The following C21orf58 variants were observed in gnomAD, a reference collection of about 807,000 sequenced individuals.
C21orf58 encodes chromosome 21 open reading frame 58.
Under a neutral mutation model 35.8 loss-of-function variants are expected in C21orf58, and 34 were observed. The ratio of observed to expected loss-of-function variants is 0.95; its 90% CI spans 0.72 to 1.26. The LOEUF (loss-of-function observed/expected upper bound fraction) is 1.26. Among genes scored for constraint, C21orf58 ranks in the 50% most tolerant of loss-of-function variants. The pLI is 0.00. For missense variants in C21orf58, 440 were observed against 414.3 expected, an observed-to-expected ratio of 1.06 and a Z score of -0.54; for synonymous variants, 191 against 175.8, an observed-to-expected ratio of 1.09 and a Z score of -0.68.
rs1307423599 is a variant in C21orf58 at position 46,323,083 on chromosome 21, CCT to C, written c.-347_-346del. On this transcript the variant is annotated 5_prime_UTR_variant, in exon 1 of 8. The change creates a premature stop within an existing upstream ORF in the 5' untranslated region. Coordinates refer to ENST00000291691, the MANE Select transcript of C21orf58 (RefSeq NM_058180.5). ...GGACGGCCTGCGCGAGGTCACCGGC[CCT>C]GTCTTGGTTTTTTGCCACTTCGCTC... 1 of 168,736 alleles carries C rather than the reference CCT, an allele frequency of 5.9e-6. No individual in the cohort carries two copies. Among genetic ancestry groups the C allele is most frequent in the African/African-American group, 2.4e-5 (1 of 42,168 alleles). The allele number at this position is 168,736 out of a possible 1,614,324, so 10.5% of individuals were successfully genotyped here.
At chr21:46,317,427 T>C (rs2083014954) in intron 2 of C21orf58, 159 bp from the exon 3 acceptor site, 1 of 1,285,720 alleles carries the variant, frequency 7.8e-7, no homozygotes, top group South Asian at 1.4e-5. Context: ...CCTCCGAGGA[T>C]CTCCCTGAGC....
intron 1 of C21orf58, among the ~76,000 whole-genome samples, chr21:46,320,417 A>G (rs1472243760): frequency 6.6e-6 from 1 of 150,602 alleles, no homozygotes; most frequent in Non-Finnish European, 1.5e-5. Context: ...TGCCTTTTAA[A>G]TTATAAGATA....
In C21orf58 at chr21:46,302,031, C is replaced by CA; in HGVS notation, c.936_937insT (p.Ala313CysfsTer137). ...GGGCCAGGCGTCCACAGGCTGGGGG[C>CA]GGGCTGGAGGACAGTGGCAGCCCCA... On this transcript the variant is annotated frameshift_variant, in exon 8 of 8. Coordinates refer to ENST00000291691, the MANE Select transcript of C21orf58 (RefSeq NM_058180.5). LOFTEE classifies it low-confidence loss of function (END_TRUNC). 1 of 1,535,308 alleles carries CA rather than the reference C, an allele frequency of 6.5e-7. No homozygotes were observed. The highest frequency in any genetic ancestry group is 2.5e-5 in the East Asian group (1 of 40,156).
At position 46,307,185 on chromosome 21, in the gene C21orf58, T is replaced by C. The variant is rs142632866; in HGVS notation, c.721+4271A>G. On this transcript the variant is annotated intron_variant, in intron 6 of 7. Coordinates refer to ENST00000291691, the MANE Select transcript of C21orf58 (RefSeq NM_058180.5). Reference sequence around the variant, plus strand: ...TGCTGGGATTACAGGTGTGAGCCGCTGCGCCCAGCCAAGATTGCATCTTGC... The same window carrying C: ...TGCTGGGATTACAGGTGTGAGCCGCCGCGCCCAGCCAAGATTGCATCTTGC... Among the ~76,000 whole-genome samples, 1,512 of 152,008 alleles carry C rather than the reference T, an allele frequency of 9.9e-3. 23 individuals carry two copies. The highest frequency in any genetic ancestry group is 0.035 in the African/African-American group (1,439 of 41,504).
chr21:46,315,005 A>G, intron 4 of C21orf58, 125 bp from the exon 5 acceptor site: 1 of 1,549,518 alleles, frequency 6.5e-7, no homozygotes, highest in Admixed American at 2.0e-5. Context: ...CAGGATGGCC[A>G]TGACTGGAAG....
At chr21:46,315,296 T>C in intron 4 of C21orf58, 178 bp downstream of exon 4, 1 of 601,538 alleles carries the variant, frequency 1.7e-6, no homozygotes. Flanking sequence ...ACATTTCCAG[T>C]CCTGATGGAA....
At chr21:46,303,735 ATATATATATATTTTTTTTTTTT>A (rs2082263588) in intron 6 of C21orf58, among the ~76,000 whole-genome samples, 4 of 28,128 alleles carry the variant, frequency 1.4e-4, no homozygotes, top group East Asian at 5.5e-4. Flanking sequence ...ATATATATAT[ATATATATATATTTTTTTTTTTT>A]TTTTTTTTTT....
At position 46,323,304 on chromosome 21, in the gene C21orf58, G is replaced by A. The variant is rs947034421; in HGVS notation, c.-566C>T. On this transcript the variant is annotated 5_prime_UTR_variant, in exon 1 of 8. Transcript: ENST00000291691. Reference sequence around the variant, plus strand: ...TTATGTTCCGCTGAGCTCAAGCTGAGGGACGACGACCTCATGCGACGTCAG... The same window carrying A: ...TTATGTTCCGCTGAGCTCAAGCTGAAGGACGACGACCTCATGCGACGTCAG... The A allele has an allele frequency of 6.6e-6, 1 of 152,326 alleles. No individual in the cohort carries two copies. The highest frequency in any genetic ancestry group is 1.5e-5 in the Non-Finnish European group (1 of 68,096). 9.4% of individuals were successfully genotyped at this position (152,326 alleles called of 1,614,324 possible). A position where few individuals can be genotyped will look rare whatever the true frequency, so the allele number is the denominator to read the frequency against.
chr21:46,300,935 A>G (rs73146709), downstream of C21orf58: 60,650 of 807,988 alleles, frequency 0.075, 2,677 homozygotes, highest in Non-Finnish European at 0.089. Flanking sequence ...GCCTGTCCAC[A>G]TGGTAAGAAA....
intron 1 of C21orf58, 154 bp downstream of exon 1, chr21:46,322,485 G>T (rs573355157): frequency 2.0e-6 from 2 of 985,398 alleles, no homozygotes; most frequent in Middle Eastern, 5.2e-4. Context: ...CTGGGTCTCT[G>T]TTCCTGGAAA....
At position 46,301,524 on chromosome 21, in the gene C21orf58, C is replaced by A. The variant is rs796349615; in HGVS notation, c.*475G>T. Reference sequence around the variant, plus strand: ...AAATTAGACTTTGTGGTATTTTCCCCATCAGGATGTTCACACTTCCATGTG... The same window carrying A: ...AAATTAGACTTTGTGGTATTTTCCCAATCAGGATGTTCACACTTCCATGTG... On this transcript the variant is annotated 3_prime_UTR_variant, in exon 8 of 8. Coordinates refer to ENST00000291691, the MANE Select transcript of C21orf58 (RefSeq NM_058180.5). 4.7e-5 allele frequency: 46 copies of A among 985,906 alleles called. No homozygotes were observed. The African/African-American group carries it at 7.7e-4, about 16-fold the overall frequency. 61.1% of individuals were successfully genotyped at this position (985,906 alleles called of 1,614,324 possible).
At chr21:46,311,926 TCCAA>T (rs200950924) in intron 5 of C21orf58, among the ~76,000 whole-genome samples, 30 of 106,216 alleles carry the variant, frequency 2.8e-4, no homozygotes, top group African/African-American at 6.7e-4. Flanking sequence ...CACCCATCCA[TCCAA>T]CCAACCAACC....
intron 3 of C21orf58, among the ~76,000 whole-genome samples, 184 bp from the exon 4 acceptor site, chr21:46,315,731 A>G (rs2082951843): frequency 6.6e-6 from 1 of 152,138 alleles, no homozygotes; most frequent in Admixed American, 6.5e-5. Flanking sequence ...GTGTTGGGTA[A>G]GGAGGGCAAG....
intron 1 of C21orf58, chr21:46,318,455 G>A (rs2083055900): frequency 7.1e-7 from 1 of 1,410,170 alleles, no homozygotes; most frequent in Non-Finnish European, 9.2e-7. Context: ...GAGGCAGAGG[G>A]GCAGAACCCT....
At chr21:46,316,985 T>A (rs1477747818) in intron 3 of C21orf58, among the ~76,000 whole-genome samples, 1 of 152,174 alleles carries the variant, frequency 6.6e-6, no homozygotes, top group African/African-American at 2.4e-5. Flanking sequence ...ATGGGAACAA[T>A]GAAGGTGCCC....
In C21orf58 at chr21:46,311,483, T is replaced by G; in HGVS notation, c.694A>C (p.Thr232Pro). ...AQIPPPQAFPTQRSGSIKEDM... is the reference protein window; with the variant it reads ...AQIPPPQAFPPQRSGSIKEDM... ...TCCTTAATACTTCCTGACCGTTGAG[T>G]AGGGAAGGCCTGGGGAGGAGGAATC... is the stretch of plus-strand genomic sequence containing the variant. The change falls in exon 6 of 8, where the codon ACT (threonine) becomes CCT (proline). Residue 232 changes from threonine to proline, a missense_variant. By Grantham distance (38) the Thr-to-Pro change is conservative (BLOSUM62 -1). Coordinates refer to ENST00000291691, the MANE Select transcript of C21orf58 (RefSeq NM_058180.5). The G allele has an allele frequency of 6.2e-7, 1 of 1,608,114 alleles. No individual in the cohort carries two copies. Among genetic ancestry groups the G allele is most frequent in the Non-Finnish European group, 8.5e-7 (1 of 1,176,324 alleles).
Position 46,314,873 on chromosome 21 carries a change from T to C in C21orf58, c.452A>G (p.His151Arg), listed in dbSNP as rs1245802973. 1 of 1,549,914 alleles carries C rather than the reference T, an allele frequency of 6.5e-7. No individual in the cohort carries two copies. Among genetic ancestry groups the C allele is most frequent in the African/African-American group, 1.4e-5 (1 of 72,956 alleles). ...GGCCCGAGAGAGCTCGTCCAGGAGG[T>C]GTTGTTCCTGCAAGGCCGATGCAGA... Reference protein sequence around the residue: ...RDLLQRLREQHLLDELSRAQA... With the variant: ...RDLLQRLREQRLLDELSRAQA... Residue 151 changes from histidine (H) to arginine (R), a missense_variant, in exon 5 of 8, where the codon CAC (histidine) becomes CGC (arginine). Physicochemically the swap from His to Arg is conservative, Grantham distance 29. Transcript: ENST00000291691.
intron 6 of C21orf58, among the ~76,000 whole-genome samples, chr21:46,303,709 AT>A (rs775630027): frequency 3.0e-5 from 1 of 33,678 alleles, no homozygotes; most frequent in Non-Finnish European, 5.2e-5. Context: ...CACACACAAA[AT>A]ATATATATAT....
Position 46,301,830 on chromosome 21 carries a change from G to C in C21orf58, c.*169C>G. On this transcript the variant is annotated 3_prime_UTR_variant, in exon 8 of 8. Coordinates refer to ENST00000291691, the MANE Select transcript of C21orf58 (RefSeq NM_058180.5). ...CCTGGAATGGCCCCGTGACCAGAAA[G>C]CGAGCCTGCCCAGCTTCCCCAGGAG... 2 of 1,264,240 alleles carry C rather than the reference G, an allele frequency of 1.6e-6. No individual in the cohort carries two copies. Among genetic ancestry groups the C allele is most frequent in the Non-Finnish European group, 2.0e-6 (2 of 1,006,734 alleles). 78.3% of individuals were successfully genotyped at this position (1,264,240 alleles called of 1,614,324 possible).
Sources: gnomAD v4.1 joint callset for allele counts (sites outside exome capture counted in the v4.1 genomes callset) on GRCh38, gnomAD v4.1.1 for gene constraint, MANE v1.5 for transcripts, NCBI Gene and HGNC (gene_info 2026-07-23, HGNC 2026-07-21) for gene names.